The following TAF3 variants were observed in gnomAD, a reference collection of about 807,000 sequenced individuals.
The protein encoded by TAF3 is TATA-box binding protein associated factor 3.
In TAF3, 7 loss-of-function variants were observed where a neutral mutation model predicts 80.6. That is an observed-to-expected ratio of 0.09 (90% CI 0.05 to 0.16). The LOEUF is 0.16. TAF3 is among the 10% of genes least tolerant of loss of function. The pLI is 1.00. For missense variants in TAF3, 921 were observed against 1,140.2 expected (o/e 0.81, Z 2.77); for synonymous variants, 444 against 446.1 (o/e 1.00, Z 0.06).
At chr10:7,840,297 CG>C (rs1836898466) in intron 2 of TAF3, among the ~76,000 whole-genome samples, 2 of 151,726 alleles carry the variant, frequency 1.3e-5, no homozygotes, top group Non-Finnish European at 2.9e-5. Context: ...TGACTACAGG[CG>C]CCCGCCACCA....
chr10:7,876,322 A>G (rs1457848739), intron 2 of TAF3, among the ~76,000 whole-genome samples: 2 of 152,196 alleles, frequency 1.3e-5, no homozygotes. Context: ...TTAGCTTCAC[A>G]TTTAGAGGTC....
intron 2 of TAF3, among the ~76,000 whole-genome samples, chr10:7,840,574 A>C (rs1053381469): frequency 6.6e-6 from 1 of 151,978 alleles, no homozygotes; most frequent in Non-Finnish European, 1.5e-5. Context: ...ATTTGCCAGA[A>C]ATTTAACATT....
chr10:7,862,929 C>T (rs1208369609), intron 2 of TAF3, among the ~76,000 whole-genome samples: 1 of 152,044 alleles, frequency 6.6e-6, no homozygotes, highest in Non-Finnish European at 1.5e-5. Context: ...ATTTCTTTAC[C>T]CATTCAGCTG....
At chr10:7,863,431 T>C (rs1483274802) in intron 2 of TAF3, among the ~76,000 whole-genome samples, 2 of 150,970 alleles carry the variant, frequency 1.3e-5, no homozygotes, top group South Asian at 2.1e-4. Flanking sequence ...GCCAGGATGG[T>C]GAAACCCCGT....
intron 2 of TAF3, among the ~76,000 whole-genome samples, chr10:7,866,556 A>G (rs886945127): frequency 6.6e-6 from 1 of 152,220 alleles, no homozygotes; most frequent in Non-Finnish European, 1.5e-5. Context: ...AAACAGCAAT[A>G]AGGCCAACAT....
rs1564345302 is a variant in TAF3, at chr10:7,842,161, T to TTG, written c.409+17602_409+17603insGT. On this transcript the variant is annotated intron_variant, in intron 2 of 6. Transcript: ENST00000344293. ...TATTGAATTAATATTGTTTTTTTTT[T>TTG]TTGTTTTTTTTTTTGTTTTTTTTTT... is the stretch of plus-strand genomic sequence containing the variant. Among the ~76,000 whole-genome samples, 80 of 106,534 alleles carry TTG rather than the reference T, an allele frequency of 7.5e-4. 1 individual carries two copies. Among genetic ancestry groups the TTG allele is most frequent in the South Asian group, 3.0e-3 (9 of 3,002 alleles). The allele number at this position is 106,534 out of a possible 152,430, so 69.9% of individuals were successfully genotyped here. A position where few individuals can be genotyped will look rare whatever the true frequency, so the allele number is the denominator to read the frequency against.
chr10:7,938,553 C>G (rs1837946817), intron 2 of TAF3, among the ~76,000 whole-genome samples: 1 of 151,682 alleles, frequency 6.6e-6, no homozygotes, highest in South Asian at 2.1e-4. Context: ...AACGGCCAGT[C>G]AGACAAAAAA....
intron 2 of TAF3, among the ~76,000 whole-genome samples, chr10:7,830,985 A>G (rs1403630800): frequency 1.3e-5 from 2 of 152,206 alleles, no homozygotes; most frequent in South Asian, 2.1e-4. Flanking sequence ...GTTTGGCAAG[A>G]TATCAGCTGA....
intron 2 of TAF3, among the ~76,000 whole-genome samples, chr10:7,824,832 A>T (rs1836725683): frequency 6.6e-6 from 1 of 152,250 alleles, no homozygotes; most frequent in Non-Finnish European, 1.5e-5. Flanking sequence ...AAGCCTTTCA[A>T]CAGCCCTATT....
At chr10:7,848,368 A>G (rs1421472455) in intron 2 of TAF3, among the ~76,000 whole-genome samples, 1 of 152,236 alleles carries the variant, frequency 6.6e-6, no homozygotes, top group Non-Finnish European at 1.5e-5. Context: ...GGAAGTCCCA[A>G]TGCCATGGTA....
At chr10:8,010,815 C>T (rs1171336407) in intron 5 of TAF3, among the ~76,000 whole-genome samples, 3 of 152,074 alleles carry the variant, frequency 2.0e-5, no homozygotes, top group Admixed American at 6.6e-5. Context: ...GAGGCTCAGG[C>T]ACAAGAATTG....
At chr10:7,832,923 C>T (rs865871657) in intron 2 of TAF3, among the ~76,000 whole-genome samples, 22 of 152,232 alleles carry the variant, frequency 1.4e-4, no homozygotes, top group South Asian at 2.1e-4. Context: ...GTACAGGGTG[C>T]AGTAGCTCAC....
At chr10:7,865,877 G>T (rs1446036664) in intron 2 of TAF3, among the ~76,000 whole-genome samples, 1 of 152,098 alleles carries the variant, frequency 6.6e-6, no homozygotes, top group East Asian at 1.9e-4. Flanking sequence ...TATGTCTCTT[G>T]CATCTTGTCA....
intron 4 of TAF3, among the ~76,000 whole-genome samples, chr10:8,006,149 G>A (rs1239235879): frequency 6.6e-6 from 1 of 150,442 alleles, no homozygotes; most frequent in African/African-American, 2.5e-5. Flanking sequence ...GCCCAACATG[G>A]AGAAACCCCG....
chr10:8,003,658 G>T (rs975004310), intron 4 of TAF3, among the ~76,000 whole-genome samples: 1 of 152,170 alleles, frequency 6.6e-6, no homozygotes, highest in Non-Finnish European at 1.5e-5. Flanking sequence ...CATTAAAGAA[G>T]AACTTACACC....
intron 2 of TAF3, among the ~76,000 whole-genome samples, chr10:7,933,617 G>A (rs1373671374): frequency 5.3e-5 from 8 of 152,162 alleles, no homozygotes; most frequent in Admixed American, 5.2e-4. Flanking sequence ...TATTCACAGT[G>A]GTGAAGTGAT....
chr10:7,928,404 G>GT (rs957800017), intron 2 of TAF3, among the ~76,000 whole-genome samples: 17 of 152,130 alleles, frequency 1.1e-4, no homozygotes, highest in African/African-American at 3.9e-4. Flanking sequence ...ACATAAATGT[G>GT]TTTTTCATGT....
At chr10:7,836,293 C>CT (rs34253534) in intron 2 of TAF3, among the ~76,000 whole-genome samples, 25 of 132,578 alleles carry the variant, frequency 1.9e-4, no homozygotes, top group African/African-American at 6.1e-4. Context: ...TTTTTTCTTT[C>CT]TTTTTTTTTT....
rs149307379 is a variant in TAF3, at chr10:7,977,412, C to T, written c.2315+89C>T. The T allele has an allele frequency of 2.6e-5, 33 of 1,280,618 alleles. No individual in the cohort carries two copies. In the African/African-American group the frequency reaches 4.1e-4, roughly 16 times the overall value. The allele number at this position is 1,280,618 out of a possible 1,614,324, so 79.3% of individuals were successfully genotyped here. A position where few individuals can be genotyped will look rare whatever the true frequency, so the allele number is the denominator to read the frequency against. ...AAGGGACTTAGAATTCCACAAGCTT[C>T]TCCCAGGTATGAACCTGTAGGGTCA... On this transcript the variant is annotated intron_variant, in intron 4 of 6. Coordinates refer to ENST00000344293, the MANE Select transcript of TAF3 (RefSeq NM_031923.4).
Sources: gnomAD v4.1 joint callset for allele counts (sites outside exome capture counted in the v4.1 genomes callset) on GRCh38, gnomAD v4.1.1 for gene constraint, MANE v1.5 for transcripts, NCBI Gene and HGNC (gene_info 2026-07-23, HGNC 2026-07-21) for gene names.